The following ENPEP variants were observed in gnomAD, a reference collection of about 807,000 sequenced individuals.
The protein encoded by ENPEP is glutamyl aminopeptidase.
Under a neutral mutation model 114.5 loss-of-function variants are expected in ENPEP, and 103 were observed. The ratio of observed to expected loss-of-function variants is 0.90; its 90% CI spans 0.77 to 1.06. The LOEUF (loss-of-function observed/expected upper bound fraction) is 1.06, where lower values mean the gene tolerates loss of function less well. ENPEP is among the 50% of genes least tolerant of loss of function. The pLI is 0.00. For missense variants in ENPEP, 1,196 were observed against 1,161.3 expected (o/e 1.03, Z -0.43); for synonymous variants, 420 against 422.0 (o/e 1.00, Z 0.06).
At position 110,520,251 on chromosome 4, in the gene ENPEP, T is replaced by A. The variant is rs776014593; in HGVS notation, c.1612T>A (p.Trp538Arg). The A allele has an allele frequency of 6.2e-7, 1 of 1,614,112 alleles. No homozygotes were observed. Among genetic ancestry groups the A allele is most frequent in the Non-Finnish European group, 8.5e-7 (1 of 1,179,954 alleles). ...ACCAGTGAAAGAAGTAATGGACACC[T>A]GGACCAGACAGATGGGTTATCCTGT... ...RLPVKEVMDT[W>R]TRQMGYPVLN... Residue 538 changes from tryptophan (W) to arginine (R), a missense_variant, in exon 10 of 20, where the codon TGG becomes AGG. Trp to Arg is a moderately radical substitution (Grantham distance 101, BLOSUM62 -3). Coordinates refer to ENST00000265162, the MANE Select transcript of ENPEP (RefSeq NM_001977.4).
At chr4:110,479,860 A>G (rs1724247124) in intron 1 of ENPEP, among the ~76,000 whole-genome samples, 1 of 152,180 alleles carries the variant, frequency 6.6e-6, no homozygotes, top group Non-Finnish European at 1.5e-5. Context: ...AATTTTACAC[A>G]TATTAGGAAG....
At chr4:110,505,252 A>G (rs924180279) in intron 3 of ENPEP, among the ~76,000 whole-genome samples, 8 of 152,146 alleles carry the variant, frequency 5.3e-5, no homozygotes, top group African/African-American at 1.9e-4. Flanking sequence ...GGTAATCCAA[A>G]CAGTTTCACT....
intron 1 of ENPEP, among the ~76,000 whole-genome samples, chr4:110,488,111 CT>C (rs1724568734): frequency 6.6e-6 from 1 of 152,214 alleles, no homozygotes; most frequent in African/African-American, 2.4e-5. Flanking sequence ...CAGCTGTTCA[CT>C]TCCCATAAGG....
chr4:110,509,822 C>T lies in ENPEP; in HGVS notation c.1194+15C>T. The T allele has an allele frequency of 6.2e-7, 1 of 1,604,420 alleles. No individual in the cohort carries two copies. The highest frequency in any genetic ancestry group is 8.5e-7 in the Non-Finnish European group (1 of 1,177,220). The stretch of plus-strand genomic sequence containing the variant: ...TTGTGCATCAGGTACAGAATCTTAG[C>T]ACTGAATCAGCTTGTTTTTTTAAAG... On this transcript the variant is annotated intron_variant, in intron 5 of 19. Transcript: ENST00000265162.
intron 11 of ENPEP, among the ~76,000 whole-genome samples, chr4:110,532,683 A>G (rs901677711): frequency 1.3e-5 from 2 of 152,218 alleles, no homozygotes; most frequent in East Asian, 1.9e-4. Context: ...ACAAACTACC[A>G]GCTTTGTCAT....
chr4:110,480,819 A>G (rs1432258225), intron 1 of ENPEP, among the ~76,000 whole-genome samples: 1 of 152,172 alleles, frequency 6.6e-6, no homozygotes, highest in African/African-American at 2.4e-5. Flanking sequence ...TTTGAGAAAC[A>G]TCCAGTCGCT....
chr4:110,525,839 G>C (rs1423237561), intron 10 of ENPEP, among the ~76,000 whole-genome samples: 1 of 152,222 alleles, frequency 6.6e-6, no homozygotes, highest in Non-Finnish European at 1.5e-5. Flanking sequence ...TGAGTCCACT[G>C]ATTTGCTGAG....
At chr4:110,558,194 A>G (rs1727551938) in intron 18 of ENPEP, among the ~76,000 whole-genome samples, 1 of 149,220 alleles carries the variant, frequency 6.7e-6, no homozygotes, top group Non-Finnish European at 1.5e-5. Flanking sequence ...CATAAAACAA[A>G]CTATCAGCTT....
At chr4:110,516,731 T>C (rs1347795165) in intron 8 of ENPEP, among the ~76,000 whole-genome samples, 5 of 152,208 alleles carry the variant, frequency 3.3e-5, no homozygotes, top group African/African-American at 1.2e-4. Flanking sequence ...AGGTGATTAT[T>C]AAAGTAAGAA....
chr4:110,554,070 G>T (rs1727386829), intron 18 of ENPEP, among the ~76,000 whole-genome samples: 2 of 151,954 alleles, frequency 1.3e-5, no homozygotes. Context: ...GCTGCTCTTG[G>T]TTCTGATACT....
rs769289976 is a variant in ENPEP at position 110,549,533 on chromosome 4, T to A, written c.2231T>A (p.Leu744His). The A allele has an allele frequency of 1.9e-6, 3 of 1,613,504 alleles. No individual in the cohort carries two copies. Among genetic ancestry groups the A allele is most frequent in the Admixed American group, 3.3e-5 (2 of 59,910 alleles). ...NDAGDHVTKL[L>H]RSSVLGFACK... The stretch of plus-strand genomic sequence containing the variant: ...GTGTTTGTTTGTTTTTTAAGGTTAC[T>A]CCGTTCCTCCGTGTTAGGGTTTGCG... The change falls in exon 16 of 20, where the codon CTC (leucine) becomes CAC (histidine). Residue 744 changes from leucine (L) to histidine (H), a missense_variant. Transcript: ENST00000265162.
intron 11 of ENPEP, chr4:110,533,022 C>A: frequency 2.4e-6 from 1 of 423,710 alleles, no homozygotes. Flanking sequence ...TAGAATTCCA[C>A]TGGAAGGTTT....
rs541773754 is a variant in ENPEP, at chr4:110,536,440, G to A, written c.1807+5163G>A. ...TTCTTTTGCATCTAGCTCAAAGACA[G>A]GGGAAGATAATGAAGGAATCAGGCC... On this transcript the variant is annotated intron_variant, in intron 11 of 19. Transcript: ENST00000265162. 5.9e-5 allele frequency among the ~76,000 whole-genome samples: 9 copies of A among 152,292 alleles called. No individual in the cohort carries two copies. In the East Asian group the frequency reaches 1.7e-3, roughly 29 times the overall value.
intron 10 of ENPEP, among the ~76,000 whole-genome samples, chr4:110,527,881 T>G (rs1188677619): frequency 6.6e-6 from 1 of 152,214 alleles, no homozygotes; most frequent in Non-Finnish European, 1.5e-5. Flanking sequence ...CAGTCAACAA[T>G]TTAAACTAAG....
At chr4:110,509,628 C>T (rs1299557921) in intron 4 of ENPEP, 25 bp from the exon 5 acceptor site, 1 of 1,600,880 alleles carries the variant, frequency 6.2e-7, no homozygotes, top group African/African-American at 1.3e-5. Context: ...ATGTATTTCT[C>T]ACTGGACTCT....
chr4:110,502,793 A>T (rs1047807066), intron 3 of ENPEP, among the ~76,000 whole-genome samples: 1 of 152,054 alleles, frequency 6.6e-6, no homozygotes, highest in South Asian at 2.1e-4. Flanking sequence ...GTTTTTTTCT[A>T]ATTCTGTCAA....
At chr4:110,546,484 G>A (rs1560569213) in intron 13 of ENPEP, among the ~76,000 whole-genome samples, 1 of 151,976 alleles carries the variant, frequency 6.6e-6, no homozygotes, top group African/African-American at 2.4e-5. Flanking sequence ...GGGGGCAGGA[G>A]TCACTAGGTA....
chr4:110,522,141 G>A (rs904630089), intron 10 of ENPEP, among the ~76,000 whole-genome samples: 1 of 151,808 alleles, frequency 6.6e-6, no homozygotes, highest in Non-Finnish European at 1.5e-5. Flanking sequence ...GCCTCCCAAA[G>A]TGCTGGGATT....
At chr4:110,488,958 G>A (rs1724602755) in intron 2 of ENPEP, among the ~76,000 whole-genome samples, 1 of 152,158 alleles carries the variant, frequency 6.6e-6, no homozygotes, top group Non-Finnish European at 1.5e-5. Flanking sequence ...TTAGCTGCCA[G>A]GATCCCTGAG....
Sources: allele counts gnomAD v4.1 joint callset (sites outside exome capture counted in the v4.1 genomes callset), GRCh38; gene constraint gnomAD v4.1.1; transcripts MANE v1.5; gene names NCBI Gene and HGNC (gene_info 2026-07-23, HGNC 2026-07-21).